Variants in RP1 observed in about 807,000 individuals in gnomAD.
RP1 encodes RP1 axonemal microtubule associated, also known as oxygen-regulated protein 1.
In RP1, 16 loss-of-function variants were observed where a neutral mutation model predicts 14.8. The observed-to-expected ratio is 1.08, with a 90% CI of 0.73 to 1.65. RP1 has a LOEUF of 1.65. RP1 is among the 40% of genes most tolerant of loss of function. RP1 has a pLI of 0.00. For synonymous variants in RP1, 876 were observed against 883.6 expected, an observed-to-expected ratio of 0.99 and a Z score of 0.15; for missense variants, 2,631 against 2,535.0, an observed-to-expected ratio of 1.04 and a Z score of -0.81.
intron 12 of RP1, among the ~76,000 whole-genome samples, chr8:54,688,958 T>C (rs2129338603): frequency 6.6e-6 from 1 of 152,304 alleles, no homozygotes; most frequent in Admixed American, 6.5e-5. Flanking sequence ...GGAATGTTTT[T>C]CCATTTGTTT....
At position 54,794,388 on chromosome 8, in the gene RP1, G is replaced by A. The variant is rs59853530; in HGVS notation, c.3615+10678G>A. ...AGTAGACACAAAGTCAAACGGAACA[G>A]AATCAAGAGCCCAGAAATAAACGCA... On this transcript the variant is annotated intron_variant, in intron 24 of 28. Transcript: ENST00000637698. Among the ~76,000 whole-genome samples, 1,346 of 149,300 alleles carry A rather than the reference G, an allele frequency of 9.0e-3. 26 individuals carry two copies. The highest frequency in any genetic ancestry group is 0.031 in the African/African-American group (1,277 of 41,126).
At chr8:54,780,982 C>G in intron 23 of RP1, 1 of 980,504 alleles carries the variant, frequency 1.0e-6, no homozygotes, top group Non-Finnish European at 1.2e-6. Context: ...AGAAGAAATC[C>G]GAATTTATTA....
intron 1 of RP1, among the ~76,000 whole-genome samples, chr8:54,577,406 T>C (rs1031855521): frequency 6.6e-6 from 1 of 152,348 alleles, no homozygotes; most frequent in Admixed American, 6.5e-5. Flanking sequence ...ATTTGTGATT[T>C]ATATGTAAGA....
chr8:54,619,077 G>C (rs74359175), intron 1 of RP1, among the ~76,000 whole-genome samples: 38 of 152,326 alleles, frequency 2.5e-4, no homozygotes, highest in African/African-American at 8.9e-4. Context: ...ATGAGAAGAG[G>C]TTGCAGTTTT....
intron 12 of RP1, among the ~76,000 whole-genome samples, chr8:54,690,491 A>T (rs2129339147): frequency 1.3e-5 from 2 of 152,110 alleles, no homozygotes; most frequent in East Asian, 3.9e-4. Flanking sequence ...TTGGAAATGG[A>T]TGTGCTCTAA....
chr8:54,751,895 A>T (rs1174157915), intron 19 of RP1, among the ~76,000 whole-genome samples: 1 of 152,174 alleles, frequency 6.6e-6, no homozygotes, highest in Admixed American at 6.5e-5. Context: ...GAGGCTTTTC[A>T]GTGGTGTTCG....
chr8:54,725,373 T>G (rs1256418831), intron 16 of RP1, among the ~76,000 whole-genome samples: 1 of 152,192 alleles, frequency 6.6e-6, no homozygotes, highest in Non-Finnish European at 1.5e-5. Flanking sequence ...AAAACTATGT[T>G]TTAAAAGGAT....
At chr8:54,850,913 A>C (rs1812045347) in intron 25 of RP1, among the ~76,000 whole-genome samples, 2 of 152,222 alleles carry the variant, frequency 1.3e-5, no homozygotes, top group South Asian at 4.1e-4. Flanking sequence ...TGTATTGTTC[A>C]TCTCCCAATT....
At chr8:54,586,995 C>G (rs1187623335) in intron 1 of RP1, among the ~76,000 whole-genome samples, 1 of 152,220 alleles carries the variant, frequency 6.6e-6, no homozygotes, top group Admixed American at 6.5e-5. Context: ...GCACTGCACC[C>G]ACTGTCCTGC....
At chr8:54,801,489 C>G (rs1322856734) in intron 24 of RP1, among the ~76,000 whole-genome samples, 1 of 152,122 alleles carries the variant, frequency 6.6e-6, no homozygotes, top group African/African-American at 2.4e-5. Flanking sequence ...TCAGTGCCCT[C>G]AGGTAACAGT....
intron 24 of RP1, among the ~76,000 whole-genome samples, chr8:54,813,642 G>T (rs1322595539): frequency 6.6e-6 from 1 of 152,138 alleles, no homozygotes; most frequent in Non-Finnish European, 1.5e-5. Context: ...ATAAATATTT[G>T]TGAGCCAGCC....
Position 54,628,479 on chromosome 8 carries a change from G to C in RP1, c.4597G>C (p.Ala1533Pro). The C allele has an allele frequency of 6.2e-7, 1 of 1,613,592 alleles. No individual in the cohort carries two copies. Among genetic ancestry groups the C allele is most frequent in the Non-Finnish European group, 8.5e-7 (1 of 1,179,848 alleles). ...IIYEIISKRLATPPSLDFCYD... is the reference protein window; with the variant it reads ...IIYEIISKRLPTPPSLDFCYD... ...TTATGAAATAATCAGTAAGAGGCTG[G>C]CAACACCACCATCTTTAGATTTTTG... The change falls in exon 4 of 4, where the codon GCA becomes CCA. Residue 1533 changes from alanine to proline, a missense_variant. Coordinates refer to ENST00000220676, the MANE Select transcript of RP1 (RefSeq NM_006269.2).
chr8:54,782,132 T>C (rs1467169302), intron 23 of RP1, among the ~76,000 whole-genome samples: 3 of 152,210 alleles, frequency 2.0e-5, no homozygotes, highest in African/African-American at 7.2e-5. Context: ...TAAGTTATGA[T>C]AGGATTCTCA....
intron 24 of RP1, among the ~76,000 whole-genome samples, chr8:54,801,051 T>G (rs1297251559): frequency 2.0e-5 from 3 of 152,218 alleles, no homozygotes; most frequent in Non-Finnish European, 2.9e-5. Context: ...ATGTAACCAT[T>G]ACTTGGGCTG....
intron 24 of RP1, among the ~76,000 whole-genome samples, chr8:54,815,880 A>G (rs2129394969): frequency 6.6e-6 from 1 of 152,344 alleles, no homozygotes; most frequent in African/African-American, 2.4e-5. Flanking sequence ...TTATGTCTAG[A>G]CATGAACATT....
chr8:54,733,933 A>T (rs989119032), intron 17 of RP1, among the ~76,000 whole-genome samples: 2 of 152,150 alleles, frequency 1.3e-5, no homozygotes, highest in African/African-American at 2.4e-5. Context: ...TTGCTAGAGG[A>T]TGCATTGTGA....
intron 9 of RP1, chr8:54,678,590 T>C (rs1807352088): frequency 7.0e-7 from 1 of 1,429,694 alleles, no homozygotes; most frequent in Non-Finnish European, 9.5e-7. Flanking sequence ...AGTTCCAAGT[T>C]TGTGCATTGA....
In RP1 at chr8:54,628,302, C is replaced by T. The variant is rs1185350154; in HGVS notation, c.4420C>T (p.His1474Tyr). 2 of 1,613,682 alleles carry T rather than the reference C, an allele frequency of 1.2e-6. No individual in the cohort carries two copies. The highest frequency in any genetic ancestry group is 1.3e-5 in the African/African-American group (1 of 74,894). The stretch of plus-strand genomic sequence containing the variant: ...GGAATCTTTTGAAGAATTAGAAAAC[C>T]ATGACACTGATATCTTTAATACAGT... Reference protein sequence around the residue: ...ELESFEELENHDTDIFNTVVN... With the variant: ...ELESFEELENYDTDIFNTVVN... Residue 1474 changes from histidine to tyrosine, a missense_variant, in exon 4 of 4, where the codon CAT becomes TAT. By Grantham distance (83) the His-to-Tyr change is moderately conservative. Coordinates refer to ENST00000220676, the MANE Select transcript of RP1 (RefSeq NM_006269.2).
intron 1 of RP1, among the ~76,000 whole-genome samples, chr8:54,573,581 A>G (rs533925924): frequency 6.6e-6 from 1 of 152,352 alleles, no homozygotes; most frequent in South Asian, 2.1e-4. Context: ...AAATTTAAAT[A>G]GTAAATTATT....
Sources: allele counts gnomAD v4.1 joint callset (sites outside exome capture counted in the v4.1 genomes callset), GRCh38; gene constraint gnomAD v4.1.1; transcripts MANE v1.5; gene names NCBI Gene and HGNC (gene_info 2026-07-23, HGNC 2026-07-21).